Variants in CPNE8 observed in about 807,000 individuals in gnomAD.
The protein encoded by CPNE8 is copine 8.
Under a neutral mutation model 81.5 loss-of-function variants are expected in CPNE8, and 45 were observed. That is an observed-to-expected ratio of 0.55 (90% CI 0.44 to 0.71). The LOEUF is 0.71. Ranked by LOEUF, CPNE8 falls within the 30% of genes least tolerant of loss-of-function variation. The pLI, the probability that CPNE8 is intolerant of heterozygous loss-of-function variation, is 0.00. For missense variants in CPNE8, 594 were observed against 672.1 expected, an observed-to-expected ratio of 0.88 and a Z score of 1.28; for synonymous variants, 252 against 226.3, an observed-to-expected ratio of 1.11 and a Z score of -1.02.
chr12:38,802,968 A>C (rs928147309), intron 6 of CPNE8, among the ~76,000 whole-genome samples: 2 of 145,104 alleles, frequency 1.4e-5, no homozygotes, highest in Non-Finnish European at 3.0e-5. Flanking sequence ...AAGAAGTTGA[A>C]TCTCTGAATA....
chr12:38,801,373 A>G (rs1172842974), intron 6 of CPNE8, among the ~76,000 whole-genome samples: 2 of 25,938 alleles, frequency 7.7e-5, no homozygotes, highest in Non-Finnish European at 1.5e-4. Flanking sequence ...AAAGAAAAGA[A>G]TTTTCAACCC....
chr12:38,686,997 A>C (rs928467041), intron 15 of CPNE8, among the ~76,000 whole-genome samples: 2 of 152,348 alleles, frequency 1.3e-5, no homozygotes, highest in African/African-American at 4.8e-5. Flanking sequence ...AGGAAGGGGA[A>C]TATCTAAAAT....
intron 5 of CPNE8, among the ~76,000 whole-genome samples, chr12:38,832,763 T>G (rs1943310107): frequency 6.6e-6 from 1 of 152,102 alleles, no homozygotes; most frequent in African/African-American, 2.4e-5. Context: ...ACTCCTGAGC[T>G]CAGGTGATCC....
chr12:38,797,754 C>G (rs1942530660), intron 6 of CPNE8, among the ~76,000 whole-genome samples: 1 of 151,952 alleles, frequency 6.6e-6, no homozygotes, highest in Admixed American at 6.6e-5. Context: ...CTACTCCGAG[C>G]TAAAGGAGGA....
chr12:38,720,478 A>G (rs1475661971), intron 13 of CPNE8, among the ~76,000 whole-genome samples: 2 of 152,218 alleles, frequency 1.3e-5, no homozygotes, highest in Admixed American at 6.5e-5. Flanking sequence ...ATATACACAT[A>G]CATATTCTTC....
upstream of CPNE8, chr12:38,905,766 G>T: frequency 7.2e-7 from 1 of 1,393,458 alleles, no homozygotes; most frequent in East Asian, 2.6e-5. Flanking sequence ...AGTGGCGCGC[G>T]GGGATCCCGG....
chr12:38,781,910 C>G (rs1044009360), intron 6 of CPNE8, among the ~76,000 whole-genome samples: 3 of 152,028 alleles, frequency 2.0e-5, no homozygotes, highest in Admixed American at 6.6e-5. Context: ...CTATCAAGGT[C>G]ATACAAAACA....
chr12:38,840,812 C>T (rs902287590), intron 4 of CPNE8, among the ~76,000 whole-genome samples: 10 of 152,224 alleles, frequency 6.6e-5, no homozygotes, highest in South Asian at 2.1e-4. Flanking sequence ...GTCTGCAATA[C>T]GATCATTCAT....
chr12:38,684,476 T>C lies in CPNE8; in HGVS notation c.1271+1014A>G, dbSNP rs575247757. Among the ~76,000 whole-genome samples, 4 of 152,160 alleles carry C rather than the reference T, an allele frequency of 2.6e-5. No homozygotes were observed. In the South Asian group the frequency reaches 6.2e-4, roughly 24 times the overall value. On this transcript the variant is annotated intron_variant, in intron 16 of 19. Transcript: ENST00000331366. ...ATTGCAGATGATTTTGTCCGAAAAA[T>C]TCAAGCCGAAGGGTCACACTCAGAG...
chr12:38,697,832 A>T (rs1026482723), intron 14 of CPNE8, among the ~76,000 whole-genome samples: 2 of 152,156 alleles, frequency 1.3e-5, no homozygotes, highest in Non-Finnish European at 2.9e-5. Context: ...TGCTCCCAAC[A>T]TGTAATATGC....
chr12:38,814,492 T>A (rs1184071867), intron 6 of CPNE8, among the ~76,000 whole-genome samples: 1 of 151,848 alleles, frequency 6.6e-6, no homozygotes, highest in Non-Finnish European at 1.5e-5. Flanking sequence ...AATCTTTTTT[T>A]TGGTATTTTT....
At chr12:38,772,998 A>G (rs1941839299) in intron 7 of CPNE8, among the ~76,000 whole-genome samples, 1 of 152,132 alleles carries the variant, frequency 6.6e-6, no homozygotes, top group Non-Finnish European at 1.5e-5. Flanking sequence ...AAGAACATCC[A>G]TCCATTTGCA....
chr12:38,884,366 C>T (rs1011724062), intron 1 of CPNE8, among the ~76,000 whole-genome samples: 1 of 152,182 alleles, frequency 6.6e-6, no homozygotes, highest in Non-Finnish European at 1.5e-5. Context: ...GTTGTAGTAT[C>T]TGTCAGTACT....
At chr12:38,673,792 G>C (rs1939230762) in intron 18 of CPNE8, among the ~76,000 whole-genome samples, 1 of 151,618 alleles carries the variant, frequency 6.6e-6, no homozygotes, top group African/African-American at 2.4e-5. Context: ...AAGATTAGGA[G>C]AAATAACTGA....
intron 1 of CPNE8, among the ~76,000 whole-genome samples, chr12:38,899,298 T>A (rs1221822772): frequency 6.6e-6 from 1 of 152,062 alleles, no homozygotes; most frequent in Non-Finnish European, 1.5e-5. Context: ...GGGAATACTG[T>A]CCTGATAAAA....
At chr12:38,788,941 G>C (rs540330181) in intron 6 of CPNE8, among the ~76,000 whole-genome samples, 5 of 151,808 alleles carry the variant, frequency 3.3e-5, no homozygotes, top group African/African-American at 1.2e-4. Flanking sequence ...ACTGATGAAA[G>C]ATAATTAAAG....
At chr12:38,758,040 T>C (rs553188174) in intron 10 of CPNE8, among the ~76,000 whole-genome samples, 1 of 152,284 alleles carries the variant, frequency 6.6e-6, no homozygotes, top group African/African-American at 2.4e-5. Flanking sequence ...TAAATCTCAA[T>C]ATCTAAATAG....
intron 6 of CPNE8, among the ~76,000 whole-genome samples, chr12:38,819,785 A>C (rs1219024522): frequency 6.6e-6 from 1 of 151,490 alleles, no homozygotes; most frequent in African/African-American, 2.4e-5. Context: ...AAAAAAAAAA[A>C]AAAAGAGCAG....
At chr12:38,685,240 T>C (rs755799466) in intron 16 of CPNE8, among the ~76,000 whole-genome samples, 6 of 152,208 alleles carry the variant, frequency 3.9e-5, no homozygotes, top group Admixed American at 2.0e-4. Flanking sequence ...ATGTTTTCCT[T>C]AGTTGAACAA....
Sources: gnomAD v4.1 joint callset for allele counts (sites outside exome capture counted in the v4.1 genomes callset) on GRCh38, gnomAD v4.1.1 for gene constraint, MANE v1.5 for transcripts, NCBI Gene and HGNC (gene_info 2026-07-23, HGNC 2026-07-21) for gene names.